The following KCTD19 variants were observed in gnomAD, a reference collection of about 807,000 sequenced individuals.
KCTD19 encodes the protein potassium channel tetramerization domain containing 19.
KCTD19 carries 67 observed loss-of-function variants against 103.5 expected under a neutral mutation model. That is an observed-to-expected ratio of 0.65 (90% CI 0.53 to 0.79). KCTD19 has a LOEUF of 0.79. Among genes scored for constraint, KCTD19 ranks in the 30% least tolerant of loss-of-function variants. The pLI is 0.00. For missense variants in KCTD19, 980 were observed against 1,136.1 expected (o/e 0.86, Z 1.98); for synonymous variants, 439 against 452.2 (o/e 0.97, Z 0.37).
chr16:67,320,649 A>G lies in KCTD19; in HGVS notation c.240T>C (p.Cys80=). 6.2e-7 allele frequency: 1 copy of G among 1,614,210 alleles called. No individual in the cohort carries two copies. The highest frequency in any genetic ancestry group is 8.5e-7 in the Non-Finnish European group (1 of 1,180,034). The change falls in exon 2 of 16, where the codon TGT becomes TGC. Residue 80 remains cysteine (C), a synonymous_variant. Coordinates refer to ENST00000304372, the MANE Select transcript of KCTD19 (RefSeq NM_001100915.3). This position sits in a 1 kb window ranked among gnomAD's most constrained non-coding sequence, Gnocchi z 4.0. Reference sequence around the variant, plus strand: ...GCTCATACAGCAAGTTCAGTTCTGCACAACTGGAGAAGGAGAGTTTGGAGG... The same window carrying G: ...GCTCATACAGCAAGTTCAGTTCTGCGCAACTGGAGAAGGAGAGTTTGGAGG... ...LYTSKLSFSS[C]AELNLLYEQA...
rs761844144 is a variant in KCTD19 at position 67,294,705 on chromosome 16, C to G, written c.1476-11G>C. On this transcript the variant is annotated splice_polypyrimidine_tract_variant and intron_variant, in intron 10 of 15. Coordinates refer to ENST00000304372, the MANE Select transcript of KCTD19 (RefSeq NM_001100915.3). ...TCCTGAGTCCATGACCTGCAGAAACCAAGAGGGGTTGGTTAGTGAGTAGAG... is the reference window on the plus strand; with the variant it reads ...TCCTGAGTCCATGACCTGCAGAAACGAAGAGGGGTTGGTTAGTGAGTAGAG... The G allele has an allele frequency of 6.3e-7, 1 of 1,592,206 alleles. No homozygotes were observed. Among genetic ancestry groups the G allele is most frequent in the Middle Eastern group, 1.7e-4 (1 of 6,020 alleles).
At chr16:67,322,925 T>C in intron 1 of KCTD19, among the ~76,000 whole-genome samples, 1 of 152,270 alleles carries the variant, frequency 6.6e-6, no homozygotes, top group East Asian at 1.9e-4. Context: ...CCAAAGAATA[T>C]ATACAAATGA....
Position 67,296,151 on chromosome 16 carries a change from G to A in KCTD19, c.1248+8C>T, listed in dbSNP as rs377131146. 1.6e-5 allele frequency: 25 copies of A among 1,571,958 alleles called. No individual in the cohort carries two copies. The highest frequency in any genetic ancestry group is 1.7e-4 in the Middle Eastern group (1 of 6,010). On this transcript the variant is annotated splice_region_variant and intron_variant, in intron 8 of 15. Transcript: ENST00000304372. The stretch of plus-strand genomic sequence containing the variant: ...GATGGGGAGCAGGGCAGCCGAGGCC[G>A]TCAGTACCTTCAGCAGTGTCTGCAG...
chr16:67,303,108 C>CGGGGGGGGGGGGGGGGGGGGGGGGGGGGG lies in KCTD19; in HGVS notation c.643+37_643+38insCCCCCCCCCCCCCCCCCCCCCCCCCCCCC. On this transcript the variant is annotated intron_variant, in intron 4 of 15. Transcript: ENST00000304372. The surrounding 1 kb of genome is among the most constrained non-coding windows in gnomAD (Gnocchi z 4.3). The stretch of plus-strand genomic sequence containing the variant: ...ATGGGGAGGGGTGAATGGGCCCTAT[C>CGGGGGGGGGGGGGGGGGGGGGGGGGGGGG]AGCCCGCCCCCCACCCCACCCCGGA... The CGGGGGGGGGGGGGGGGGGGGGGGGGGGGG allele has an allele frequency of 1.3e-6, 1 of 798,078 alleles. No individual in the cohort carries two copies. The allele number at this position is 798,078 out of a possible 1,614,324, so 49.4% of individuals were successfully genotyped here. A position where few individuals can be genotyped will look rare whatever the true frequency, so the allele number is the denominator to read the frequency against.
At chr16:67,318,371 G>A (rs1457719568) in intron 2 of KCTD19, among the ~76,000 whole-genome samples, 1 of 152,036 alleles carries the variant, frequency 6.6e-6, no homozygotes, top group Non-Finnish European at 1.5e-5. Context: ...AGACTAGCCT[G>A]GCCAACATGG....
intron 6 of KCTD19, 31 bp from the exon 7 acceptor site, chr16:67,297,694 C>T (rs1404624042): frequency 1.2e-6 from 2 of 1,608,400 alleles, no homozygotes; most frequent in Non-Finnish European, 8.5e-7. Flanking sequence ...TCATGAAGAA[C>T]ATCAGCATTG....
At chr16:67,297,253 C>T (rs2036774777) in intron 7 of KCTD19, among the ~76,000 whole-genome samples, 1 of 152,180 alleles carries the variant, frequency 6.6e-6, no homozygotes. Flanking sequence ...GGCAGGCCTG[C>T]CCTGGGGGTC....
intron 2 of KCTD19, among the ~76,000 whole-genome samples, chr16:67,313,107 T>C (rs1414937970): frequency 1.4e-5 from 2 of 143,668 alleles, no homozygotes; most frequent in Non-Finnish European, 3.0e-5. Context: ...GCACTGAAAT[T>C]AGAATTTTTT....
chr16:67,314,830 TAG>T lies in KCTD19; in HGVS notation c.300+5757_300+5758del, dbSNP rs71145965. On this transcript the variant is annotated intron_variant, in intron 2 of 15. Coordinates refer to ENST00000304372, the MANE Select transcript of KCTD19 (RefSeq NM_001100915.3). ...ATATATATATATATATATATATATA[TAG>T]AGAGAGAGAGAGAGAGAGAGAGAGA... is the stretch of plus-strand genomic sequence containing the variant. 6.2e-3 allele frequency among the ~76,000 whole-genome samples: 209 copies of T among 33,632 alleles called. 1 individual carries two copies. The highest frequency in any genetic ancestry group is 0.014 in the South Asian group (7 of 490). 22.1% of individuals were successfully genotyped at this position (33,632 alleles called of 152,430 possible).
intron 6 of KCTD19, among the ~76,000 whole-genome samples, chr16:67,298,063 G>A (rs552601663): frequency 8.2e-5 from 12 of 146,742 alleles, no homozygotes; most frequent in African/African-American, 1.3e-4. Flanking sequence ...GCGCGATCTC[G>A]GCTCACTGCA....
chr16:67,311,419 C>T (rs1452422281), intron 2 of KCTD19, among the ~76,000 whole-genome samples: 1 of 152,096 alleles, frequency 6.6e-6, no homozygotes, highest in Non-Finnish European at 1.5e-5. Context: ...TCTCCTGCCT[C>T]AGCCTCCTAA....
At chr16:67,295,181 G>A in intron 9 of KCTD19, 82 bp downstream of exon 9, 2 of 1,575,820 alleles carry the variant, frequency 1.3e-6, no homozygotes. Context: ...CCTCCCTGAA[G>A]GCTGCAACTC....
chr16:67,291,319 T>C lies in KCTD19; in HGVS notation c.2555A>G (p.Asn852Ser), dbSNP rs1411291681. 4 of 1,613,456 alleles carry C rather than the reference T, an allele frequency of 2.5e-6. No homozygotes were observed. The highest frequency in any genetic ancestry group is 1.3e-5 in the African/African-American group (1 of 75,052). ...AITAKVVSLANRLWTLHISPK... is the reference protein window; with the variant it reads ...AITAKVVSLASRLWTLHISPK... The stretch of plus-strand genomic sequence containing the variant: ...GCCTGTCACACATACCCACAGCCGA[T>C]TGGCCAGGGAGACCACCTTGGCTGT... The change falls in exon 14 of 16, where the codon AAT (asparagine) becomes AGT (serine). Residue 852 changes from asparagine (N) to serine (S), a missense_variant. By Grantham distance (46) the Asn-to-Ser change is conservative. Transcript: ENST00000304372.
At position 67,301,887 on chromosome 16, in the gene KCTD19, C is replaced by T. The variant is rs745380335; in HGVS notation, c.679G>A (p.Asp227Asn). The change falls in exon 5 of 16, where the codon GAT (aspartate) becomes AAT (asparagine). Residue 227 changes from aspartate to asparagine, a missense_variant. Transcript: ENST00000304372. Reference sequence around the variant, plus strand: ...AATACATCAATGTTGGAGAAATTATCCGGTAGTAAAATCTTCTGTGAGCGA... The same window carrying T: ...AATACATCAATGTTGGAGAAATTATTCGGTAGTAAAATCTTCTGTGAGCGA... The part of the protein sequence containing the change: ...FLRSQKILLP[D>N]NFSNIDVLEA... The T allele has an allele frequency of 6.2e-6, 10 of 1,613,502 alleles. No homozygotes were observed. In the South Asian group the frequency reaches 1.1e-4, roughly 18 times the overall value.
At chr16:67,305,484 T>C (rs1018146310) in intron 2 of KCTD19, 2 of 379,910 alleles carry the variant, frequency 5.3e-6, no homozygotes, top group Admixed American at 6.8e-5. Context: ...CCAGAGCTTG[T>C]CAGCTTGAAG....
Position 67,320,298 on chromosome 16 carries a change from G to A in KCTD19, c.300+291C>T, listed in dbSNP as rs537855384. On this transcript the variant is annotated intron_variant, in intron 2 of 15. Transcript: ENST00000304372. This position sits in a 1 kb window ranked among gnomAD's most constrained non-coding sequence, Gnocchi z 4.0. ...CTACTCAGAGGGACTGAGGTGGGAG[G>A]TGGGAAGATCCTTTGGGCTTGGGAG... Among the ~76,000 whole-genome samples, 5 of 152,274 alleles carry A rather than the reference G, an allele frequency of 3.3e-5. No homozygotes were observed. The highest frequency in any genetic ancestry group is 3.9e-4 in the East Asian group (2 of 5,180).
At chr16:67,297,702 T>C (rs567300993) in intron 6 of KCTD19, 39 bp from the exon 7 acceptor site, 5 of 1,603,502 alleles carry the variant, frequency 3.1e-6, no homozygotes, top group East Asian at 4.5e-5. Context: ...AACATCAGCA[T>C]TGTACCCCAA....
At chr16:67,319,205 A>G (rs2142523498) in intron 2 of KCTD19, among the ~76,000 whole-genome samples, 1 of 151,966 alleles carries the variant, frequency 6.6e-6, no homozygotes, top group East Asian at 1.9e-4. Flanking sequence ...CCTGGGTAAC[A>G]AGAGCGAAAT....
chr16:67,296,345 G>A (rs998228747), intron 7 of KCTD19, 86 bp from the exon 8 acceptor site: 14 of 824,232 alleles, frequency 1.7e-5, no homozygotes, highest in East Asian at 7.3e-5. Context: ...TGTATTTCAC[G>A]TTAAGTCTCA....
Sources: allele counts gnomAD v4.1 joint callset (sites outside exome capture counted in the v4.1 genomes callset), GRCh38; gene constraint gnomAD v4.1.1; non-coding constraint Gnocchi (gnomAD v3.1); transcripts MANE v1.5; gene names NCBI Gene and HGNC (gene_info 2026-07-23, HGNC 2026-07-21).